Variants in MRRF observed in about 807,000 individuals in gnomAD.
MRRF encodes the protein ribosome-recycling factor, mitochondrial.
A neutral mutation model predicts 25.1 loss-of-function variants in MRRF; 18 were observed. The observed-to-expected ratio is 0.72, with a 90% confidence interval of 0.50 to 1.06. MRRF has a LOEUF of 1.06. MRRF is among the 50% of genes least tolerant of loss of function. The pLI, the probability that MRRF is intolerant of heterozygous loss-of-function variation, is 0.00. For missense variants in MRRF, 323 were observed against 319.3 expected (o/e 1.01, Z -0.09); for synonymous variants, 113 against 112.1 (o/e 1.01, Z -0.05).
chr9:122,287,906 A>T (rs1833509760), intron 4 of MRRF, among the ~76,000 whole-genome samples: 1 of 152,218 alleles, frequency 6.6e-6, no homozygotes, highest in Non-Finnish European at 1.5e-5. Context: ...TCCAGCTTCG[A>T]AGCTGACCGT....
Position 122,313,346 on chromosome 9 carries a change from A to T in MRRF, c.671A>T (p.Asp224Val), listed in dbSNP as rs1835316973. ...ATGAACAAGCTGAAGAAATCCAAGG[A>T]TACAGTCTCAGAGGACACCATTAGG... ...NSMNKLKKSK[D>V]TVSEDTIRLI... The change falls in exon 6 of 7, where the codon GAT becomes GTT. Residue 224 changes from aspartate (D) to valine (V), a missense_variant. By Grantham distance (152) the Asp-to-Val change is radical (BLOSUM62 -3). Transcript: ENST00000344641. The T allele has an allele frequency of 6.2e-7, 1 of 1,614,026 alleles. No individual in the cohort carries two copies. Among genetic ancestry groups the T allele is most frequent in the Non-Finnish European group, 8.5e-7 (1 of 1,179,962 alleles).
intron 1 of MRRF, among the ~76,000 whole-genome samples, chr9:122,265,982 C>G (rs1225572225): frequency 1.3e-5 from 2 of 152,202 alleles, no homozygotes; most frequent in South Asian, 4.1e-4. Context: ...TCTGGCAAAC[C>G]AGAGACAGTG....
rs115247637 is a variant in MRRF at position 122,302,506 on chromosome 9, G to A, written c.551+10666G>A. Among the ~76,000 whole-genome samples the A allele has an allele frequency of 3.1e-3, 465 of 152,208 alleles. 3 individuals are homozygous for A. Among genetic ancestry groups the A allele is most frequent in the African/African-American group, 0.01 (428 of 41,528 alleles). On this transcript the variant is annotated intron_variant, in intron 5 of 6. Coordinates refer to ENST00000344641, the MANE Select transcript of MRRF (RefSeq NM_138777.5). ...TTTCTATTTGCATAATGTTTTCAAG[G>A]TTCTTTCACGTTGTAGCACGTGTCA... is the stretch of plus-strand genomic sequence containing the variant.
At chr9:122,284,911 C>G (rs141181067) in intron 3 of MRRF, among the ~76,000 whole-genome samples, 1 of 152,148 alleles carries the variant, frequency 6.6e-6, no homozygotes, top group African/African-American at 2.4e-5. Flanking sequence ...AGCCTCATTG[C>G]TGAGTAGCTC....
chr9:122,269,664 T>G (rs550055160), intron 1 of MRRF, among the ~76,000 whole-genome samples: 8 of 152,138 alleles, frequency 5.3e-5, no homozygotes, highest in Non-Finnish European at 1.0e-4. Context: ...GAGTGGAGGT[T>G]GCTGTGAGCC....
At chr9:122,301,802 C>T (rs915962438) in intron 5 of MRRF, among the ~76,000 whole-genome samples, 13 of 151,158 alleles carry the variant, frequency 8.6e-5, no homozygotes, top group Non-Finnish European at 1.6e-4. Flanking sequence ...GGCATGATCT[C>T]GGCTCACTGC....
intron 5 of MRRF, among the ~76,000 whole-genome samples, chr9:122,311,025 C>G (rs923465199): frequency 2.0e-5 from 3 of 152,296 alleles, no homozygotes; most frequent in South Asian, 2.1e-4. Flanking sequence ...ATATGCTGCT[C>G]TCTTTATTGG....
rs1270053563 is a variant in MRRF at position 122,271,094 on chromosome 9, C to T, written c.184+19C>T. On this transcript the variant is annotated intron_variant, in intron 2 of 6. Transcript: ENST00000344641. ...GCCAAAGGTAGAGACATGTGACGTT[C>T]TCTCCTACTTCACCCCTTTCTTATA... 14 of 1,602,438 alleles carry T rather than the reference C, an allele frequency of 8.7e-6. No individual in the cohort carries two copies. Among genetic ancestry groups the T allele is most frequent in the Non-Finnish European group, 1.2e-5 (14 of 1,169,290 alleles).
At chr9:122,284,277 A>G (rs564011533) in intron 3 of MRRF, among the ~76,000 whole-genome samples, 1 of 152,258 alleles carries the variant, frequency 6.6e-6, no homozygotes, top group South Asian at 2.1e-4. Flanking sequence ...TGAAATCAGA[A>G]TTAAGCACAC....
chr9:122,311,838 GTA>G (rs1377872565), intron 5 of MRRF, among the ~76,000 whole-genome samples: 1 of 152,154 alleles, frequency 6.6e-6, no homozygotes, highest in African/African-American at 2.4e-5. Flanking sequence ...GCCCCTCTTA[GTA>G]TTTCAGCAGG....
At chr9:122,322,041 T>C (rs1216033766) in intron 6 of MRRF, among the ~76,000 whole-genome samples, 2 of 152,154 alleles carry the variant, frequency 1.3e-5, no homozygotes, top group Non-Finnish European at 2.9e-5. Context: ...ATCTATCTTA[T>C]GGGTTTGCTG....
At chr9:122,290,392 T>G (rs1205976336) in intron 4 of MRRF, among the ~76,000 whole-genome samples, 1 of 152,214 alleles carries the variant, frequency 6.6e-6, no homozygotes, top group Non-Finnish European at 1.5e-5. Flanking sequence ...ATTTTAAGAA[T>G]GTACTATTTT....
At chr9:122,319,526 A>T (rs1453054778) in intron 6 of MRRF, among the ~76,000 whole-genome samples, 1 of 152,198 alleles carries the variant, frequency 6.6e-6, no homozygotes, top group Non-Finnish European at 1.5e-5. Flanking sequence ...TACCTGCTTC[A>T]TAGAGGCTAT....
At chr9:122,312,693 T>C (rs1376420110) in intron 5 of MRRF, among the ~76,000 whole-genome samples, 1 of 152,254 alleles carries the variant, frequency 6.6e-6, no homozygotes, top group Non-Finnish European at 1.5e-5. Context: ...CAAATTTCTT[T>C]GGGCCTCATT....
At chr9:122,280,925 C>T (rs578093443) in intron 3 of MRRF, among the ~76,000 whole-genome samples, 1 of 152,278 alleles carries the variant, frequency 6.6e-6, no homozygotes, top group East Asian at 1.9e-4. Context: ...TAGGTATTGT[C>T]TTTGCTATCA....
At chr9:122,293,291 A>G (rs943618644) in intron 5 of MRRF, among the ~76,000 whole-genome samples, 1 of 152,216 alleles carries the variant, frequency 6.6e-6, no homozygotes, top group African/African-American at 2.4e-5. Context: ...TCCTTTACAT[A>G]TATTACCTCA....
intron 5 of MRRF, among the ~76,000 whole-genome samples, chr9:122,299,254 A>G (rs1005457441): frequency 1.3e-5 from 2 of 151,002 alleles, no homozygotes; most frequent in Non-Finnish European, 3.0e-5. Context: ...GCATGGTGGC[A>G]TGTGCCTGTA....
chr9:122,275,782 A>AAT (rs1395294599), intron 2 of MRRF, among the ~76,000 whole-genome samples: 1 of 152,156 alleles, frequency 6.6e-6, no homozygotes, highest in African/African-American at 2.4e-5. Flanking sequence ...TTTAAGGTTG[A>AAT]ATAATATGCC....
At chr9:122,283,695 C>T (rs1833215673) in intron 3 of MRRF, among the ~76,000 whole-genome samples, 1 of 152,170 alleles carries the variant, frequency 6.6e-6, no homozygotes, top group African/African-American at 2.4e-5. Flanking sequence ...GCCAGGACAA[C>T]TCCAATTTGT....
Sources: allele counts gnomAD v4.1 joint callset (sites outside exome capture counted in the v4.1 genomes callset), GRCh38; gene constraint gnomAD v4.1.1; transcripts MANE v1.5; gene names NCBI Gene and HGNC (gene_info 2026-07-23, HGNC 2026-07-21).